Variants in MAGI2 observed in about 807,000 individuals in gnomAD.
MAGI2 encodes membrane associated guanylate kinase, WW and PDZ domain containing 2.
Under a neutral mutation model 133.3 loss-of-function variants are expected in MAGI2, and 35 were observed. The observed-to-expected ratio is 0.26, with a 90% CI of 0.20 to 0.35. The LOEUF (loss-of-function observed/expected upper bound fraction) is 0.35. MAGI2 is among the 10% of genes least tolerant of loss of function. The probability of loss-of-function intolerance (pLI) is 1.00; values close to 1 mark genes in which losing one functional copy is unlikely to be tolerated. For synonymous variants in MAGI2, 729 were observed against 710.6 expected (o/e 1.03, Z -0.41); for missense variants, 1,636 against 1,863.4 (o/e 0.88, Z 2.25).
At chr7:78,888,767 C>A (rs1481956726) in intron 2 of MAGI2, among the ~76,000 whole-genome samples, 2 of 152,096 alleles carry the variant, frequency 1.3e-5, no homozygotes, top group Non-Finnish European at 2.9e-5. Flanking sequence ...GATAAAACCA[C>A]AAAGATGGGG....
chr7:78,105,792 T>C (rs1027680939), intron 20 of MAGI2, among the ~76,000 whole-genome samples: 1 of 152,176 alleles, frequency 6.6e-6, no homozygotes, highest in Non-Finnish European at 1.5e-5. Context: ...AGGCATACAA[T>C]GTGTAATAAT....
intron 1 of MAGI2, among the ~76,000 whole-genome samples, chr7:79,300,502 G>C (rs914317975): frequency 6.6e-6 from 1 of 152,214 alleles, no homozygotes; most frequent in Non-Finnish European, 1.5e-5. Flanking sequence ...CTTTCAAGTT[G>C]TGACCTGGCT....
At chr7:78,242,682 C>G (rs1365275559) in intron 10 of MAGI2, among the ~76,000 whole-genome samples, 1 of 152,116 alleles carries the variant, frequency 6.6e-6, no homozygotes, top group East Asian at 1.9e-4. Flanking sequence ...TATATTAGAT[C>G]TTTATCAGTG....
At chr7:79,194,246 A>G (rs1333860966) in intron 1 of MAGI2, among the ~76,000 whole-genome samples, 3 of 151,988 alleles carry the variant, frequency 2.0e-5, no homozygotes, top group East Asian at 3.9e-4. Flanking sequence ...CTTCCATCCT[A>G]TTAAAGGCCT....
At chr7:79,151,603 T>C (rs182934184) in intron 1 of MAGI2, among the ~76,000 whole-genome samples, 3 of 152,268 alleles carry the variant, frequency 2.0e-5, no homozygotes, top group East Asian at 3.9e-4. Flanking sequence ...CCCCTGGACA[T>C]TGAACAATTT....
chr7:79,232,781 G>GTC (rs1316261969), intron 1 of MAGI2, among the ~76,000 whole-genome samples: 1 of 94,720 alleles, frequency 1.1e-5, no homozygotes, highest in Non-Finnish European at 2.1e-5. Flanking sequence ...GGTTTTTTGT[G>GTC]TCTCTATTTC....
At chr7:78,775,319 TTAAAAAAAAAA>T (rs1332774283) in intron 2 of MAGI2, among the ~76,000 whole-genome samples, 2 of 13,902 alleles carry the variant, frequency 1.4e-4, no homozygotes, top group Non-Finnish European at 2.7e-4. Flanking sequence ...TCGTCTCAAA[TTAAAAAAAAAA>T]AAAAAAAAAA....
At chr7:79,370,902 T>G (rs1287626797) in intron 1 of MAGI2, among the ~76,000 whole-genome samples, 3 of 152,068 alleles carry the variant, frequency 2.0e-5, no homozygotes, top group Non-Finnish European at 4.4e-5. Context: ...TAAAATGAAA[T>G]TACTTGGTTC....
intron 2 of MAGI2, among the ~76,000 whole-genome samples, chr7:78,766,149 C>A (rs566516517): frequency 6.6e-6 from 1 of 152,184 alleles, no homozygotes; most frequent in Non-Finnish European, 1.5e-5. Flanking sequence ...AAGCTCTCAT[C>A]CCTGTGCCTT....
intron 2 of MAGI2, among the ~76,000 whole-genome samples, chr7:78,849,260 C>G (rs1385925163): frequency 1.3e-5 from 2 of 151,970 alleles, no homozygotes; most frequent in East Asian, 3.9e-4. Context: ...TACAACAATA[C>G]AAGTACTCAG....
intron 1 of MAGI2, among the ~76,000 whole-genome samples, chr7:79,041,453 A>G (rs755035024): frequency 5.3e-5 from 8 of 152,188 alleles, no homozygotes; most frequent in Non-Finnish European, 1.0e-4. Context: ...AACAAGAATC[A>G]GATAAAATTC....
At chr7:78,466,561 A>G (rs1403457266) in intron 6 of MAGI2, among the ~76,000 whole-genome samples, 1 of 152,194 alleles carries the variant, frequency 6.6e-6, no homozygotes, top group Non-Finnish European at 1.5e-5. Flanking sequence ...CTGCCAAAAG[A>G]GGTGTTAGAA....
At chr7:78,900,388 A>G (rs563493883) in intron 2 of MAGI2, among the ~76,000 whole-genome samples, 3 of 152,238 alleles carry the variant, frequency 2.0e-5, no homozygotes, top group African/African-American at 7.2e-5. Context: ...GCTGGTCCCC[A>G]GCTTCCTCTC....
intron 2 of MAGI2, among the ~76,000 whole-genome samples, chr7:78,628,525 T>C (rs1378714500): frequency 6.6e-6 from 1 of 152,132 alleles, no homozygotes; most frequent in Non-Finnish European, 1.5e-5. Context: ...TGTCAGAATG[T>C]ATAATATGCC....
chr7:78,204,326 C>G (rs1829536213), intron 10 of MAGI2, among the ~76,000 whole-genome samples: 1 of 152,176 alleles, frequency 6.6e-6, no homozygotes, highest in Non-Finnish European at 1.5e-5. Flanking sequence ...GCGTCCTAGC[C>G]TTTCTCAATT....
chr7:78,167,767 C>T (rs1825750452), intron 15 of MAGI2, 149 bp downstream of exon 15: 2 of 728,050 alleles, frequency 2.7e-6, no homozygotes, highest in Non-Finnish European at 4.4e-6. Context: ...CTTTCAAAAT[C>T]ATCATTACTT....
At chr7:78,927,491 T>A (rs1799800786) in intron 2 of MAGI2, among the ~76,000 whole-genome samples, 1 of 151,898 alleles carries the variant, frequency 6.6e-6, no homozygotes, top group Non-Finnish European at 1.5e-5. Context: ...CACTGTGAGA[T>A]TTTTAGCTCT....
intron 2 of MAGI2, among the ~76,000 whole-genome samples, chr7:78,972,839 G>C (rs998477479): frequency 2.0e-5 from 3 of 151,626 alleles, no homozygotes; most frequent in African/African-American, 7.3e-5. Flanking sequence ...TTTAATGTTT[G>C]CCAGAGTAGG....
intron 2 of MAGI2, among the ~76,000 whole-genome samples, chr7:78,670,384 A>C (rs1814224319): frequency 6.6e-6 from 1 of 152,232 alleles, no homozygotes; most frequent in Admixed American, 6.5e-5. Flanking sequence ...GGACCTCTTC[A>C]AGGAGAACTA....
Sources: allele counts gnomAD v4.1 joint callset (sites outside exome capture counted in the v4.1 genomes callset), GRCh38; gene constraint gnomAD v4.1.1; transcripts MANE v1.5; gene names NCBI Gene and HGNC (gene_info 2026-07-23, HGNC 2026-07-21).